Variants in ZNF536 observed in about 807,000 individuals in gnomAD.
ZNF536 encodes the protein zinc finger protein 536.
Under a neutral mutation model 84.5 loss-of-function variants are expected in ZNF536, and 13 were observed. The ratio of observed to expected loss-of-function variants is 0.15; its 90% CI spans 0.10 to 0.24. The LOEUF is 0.24. Ranked by LOEUF, ZNF536 falls within the 10% of genes least tolerant of loss-of-function variation. The pLI, the probability that ZNF536 is intolerant of heterozygous loss-of-function variation, is 1.00. For missense variants in ZNF536, 1,536 were observed against 1,747.5 expected, an observed-to-expected ratio of 0.88 and a Z score of 2.16; for synonymous variants, 811 against 742.5, an observed-to-expected ratio of 1.09 and a Z score of -1.50.
chr19:30,388,750 G>A (rs548926329), intron 1 of ZNF536, among the ~76,000 whole-genome samples: 112 of 152,224 alleles, frequency 7.4e-4, no homozygotes, highest in Admixed American at 1.6e-3. Context: ...TTCAGAATTA[G>A]GATGGAGTGT....
rs2050228626 is a variant in ZNF536, at chr19:30,664,210, CTCTCTCT to C, written c.170-46546_170-46540del. ...GAGGAATTCTTGCTGAGTTTTCTCT[CTCTCTCT>C]CTCTCTCTCTCTCTCTCTCTCTCTC... On this transcript the variant is annotated intron_variant, in intron 1 of 1. Coordinates refer to the ZNF536 transcript ENST00000592773. 1.5e-3 allele frequency among the ~76,000 whole-genome samples: 12 copies of C among 8,154 alleles called. No homozygotes were observed. The East Asian group carries it at 0.023, about 16-fold the overall frequency. The allele number at this position is 8,154 out of a possible 152,430, so 5.3% of individuals were successfully genotyped here. A position where few individuals can be genotyped will look rare whatever the true frequency, so the allele number is the denominator to read the frequency against.
intron 2 of ZNF536, among the ~76,000 whole-genome samples, chr19:30,315,978 T>C (rs1395266467): frequency 6.6e-6 from 1 of 152,234 alleles, no homozygotes; most frequent in Non-Finnish European, 1.5e-5. Flanking sequence ...TTTTAACTTC[T>C]GTGTAATTCT....
intron 2 of ZNF536, among the ~76,000 whole-genome samples, chr19:30,492,351 A>G (rs1404769683): frequency 6.6e-6 from 1 of 152,206 alleles, no homozygotes; most frequent in African/African-American, 2.4e-5. Flanking sequence ...TGTTAGCACT[A>G]CAATGGCATG....
intron 1 of ZNF536, among the ~76,000 whole-genome samples, chr19:30,620,462 G>A (rs2048443942): frequency 6.6e-6 from 1 of 152,174 alleles, no homozygotes. Flanking sequence ...GGAACTGCCT[G>A]GTGGTGACAT....
chr19:30,233,806 T>C (rs1221356034), intron 1 of ZNF536, among the ~76,000 whole-genome samples: 1 of 152,174 alleles, frequency 6.6e-6, no homozygotes, highest in Non-Finnish European at 1.5e-5. Flanking sequence ...CCTTTATGCC[T>C]CTGGAGTTGG....
intron 2 of ZNF536, among the ~76,000 whole-genome samples, chr19:30,350,349 G>A (rs2047894338): frequency 6.6e-6 from 1 of 152,152 alleles, no homozygotes; most frequent in Non-Finnish European, 1.5e-5. Context: ...ATGAGCATTG[G>A]CATTTATGTC....
chr19:30,514,270 AT>A lies in ZNF536; in HGVS notation c.2171-20574del, dbSNP rs34441149. 5.4e-4 allele frequency among the ~76,000 whole-genome samples: 82 copies of A among 152,050 alleles called. No homozygotes were observed. In the East Asian group the frequency reaches 0.014, roughly 26 times the overall value. ...TGGGTGGTTAGGGAGAGGTTATTCAATTTACTCCCACCCTCAAAAAAATCAA... is the reference window on the plus strand; with the variant it reads ...TGGGTGGTTAGGGAGAGGTTATTCAATTACTCCCACCCTCAAAAAAATCAA... On this transcript the variant is annotated intron_variant, in intron 2 of 4. Transcript: ENST00000355537.
chr19:30,608,544 C>T (rs991786328), intron 1 of ZNF536, among the ~76,000 whole-genome samples: 9 of 152,168 alleles, frequency 5.9e-5, no homozygotes, highest in African/African-American at 1.7e-4. Context: ...GCTCTTTACC[C>T]AGCTGTAGGC....
chr19:30,640,268 G>T (rs1326233525), intron 1 of ZNF536, among the ~76,000 whole-genome samples: 1 of 151,706 alleles, frequency 6.6e-6, no homozygotes, highest in Non-Finnish European at 1.5e-5. Flanking sequence ...AAAAAAAATT[G>T]GTTATATACA....
At chr19:30,422,024 C>T (rs2050981846) in intron 1 of ZNF536, among the ~76,000 whole-genome samples, 1 of 151,898 alleles carries the variant, frequency 6.6e-6, no homozygotes, top group Non-Finnish European at 1.5e-5. Context: ...AAAATATTAG[C>T]AGGGGTACAA....
chr19:30,610,116 C>T (rs1375268672), intron 1 of ZNF536, among the ~76,000 whole-genome samples: 4 of 152,246 alleles, frequency 2.6e-5, no homozygotes, highest in Non-Finnish European at 2.9e-5. Context: ...GACAAAAGCA[C>T]ATCCCCAGCC....
At chr19:30,588,749 A>G (rs946247837) in intron 1 of ZNF536, among the ~76,000 whole-genome samples, 5 of 151,948 alleles carry the variant, frequency 3.3e-5, no homozygotes, top group Non-Finnish European at 7.4e-5. Context: ...TCATGTTTTC[A>G]TTGTTTTATT....
chr19:30,554,793 C>T (rs2045910450), intron 4 of ZNF536: 1 of 152,184 alleles, frequency 6.6e-6, no homozygotes, highest in African/African-American at 2.4e-5. Context: ...CCCACAGGGT[C>T]TTATTTGGTC....
chr19:30,429,244 G>A (rs2051344934), intron 1 of ZNF536, among the ~76,000 whole-genome samples: 2 of 152,194 alleles, frequency 1.3e-5, no homozygotes, highest in South Asian at 4.1e-4. Context: ...ACACCTGCTA[G>A]TGTGAGGCTC....
chr19:30,561,824 C>T (rs538552348), downstream of ZNF536, among the ~76,000 whole-genome samples: 38 of 152,310 alleles, frequency 2.5e-4, no homozygotes, highest in African/African-American at 8.9e-4. Flanking sequence ...CAGAATGAAG[C>T]AAGAGGCCAT....
Position 30,548,964 on chromosome 19 carries a change from T to G in ZNF536, c.3345T>G (p.Phe1115Leu), listed in dbSNP as rs757432626. 1 of 1,614,140 alleles carries G rather than the reference T, an allele frequency of 6.2e-7. No individual in the cohort carries two copies. Among genetic ancestry groups the G allele is most frequent in the Non-Finnish European group, 8.5e-7 (1 of 1,180,022 alleles). ...TCCCATCAGACTTCTACAAGCAGTT[T>G]GGTGTTTACCCAGGCATGGTTGGCT... ...CNFPSDFYKQFGVYPGMVGSG... is the reference protein window; with the variant it reads ...CNFPSDFYKQLGVYPGMVGSG... The change falls in exon 4 of 5, where the codon TTT becomes TTG. Residue 1115 changes from phenylalanine (F) to leucine (L), a missense_variant. Transcript: ENST00000355537.
intron 1 of ZNF536, among the ~76,000 whole-genome samples, chr19:30,707,169 ATCTACTTGGAAC>A (rs2052276692): frequency 6.6e-6 from 1 of 152,076 alleles, no homozygotes; most frequent in Non-Finnish European, 1.5e-5. Flanking sequence ...GGCCAGGACG[ATCTACTTGGAAC>A]TCACTCATGC....
At chr19:30,527,949 T>G (rs1350724190) in intron 2 of ZNF536, among the ~76,000 whole-genome samples, 1 of 152,196 alleles carries the variant, frequency 6.6e-6, no homozygotes, top group Non-Finnish European at 1.5e-5. Flanking sequence ...CTTCACCCCT[T>G]AGACTCCACA....
At position 30,450,075 on chromosome 19, in the gene ZNF536, A is replaced by ATTTT. The variant is rs34039352; in HGVS notation, c.2170+4357_2170+4360dup. 8.6e-3 allele frequency among the ~76,000 whole-genome samples: 1,127 copies of ATTTT among 131,808 alleles called. 29 individuals are homozygous for ATTTT. The highest frequency in any genetic ancestry group is 0.029 in the African/African-American group (1,032 of 35,314). 86.5% of individuals were successfully genotyped at this position (131,808 alleles called of 152,430 possible). On this transcript the variant is annotated intron_variant, in intron 2 of 4. Coordinates refer to ENST00000355537, the MANE Select transcript of ZNF536 (RefSeq NM_014717.3). ...TTTGAGTTTGAGGATTAAGATCTTC[A>ATTTT]TTTTTTTTTTTTTTTTTGCTTGTGC...
Sources: gnomAD v4.1 joint callset for allele counts (sites outside exome capture counted in the v4.1 genomes callset) on GRCh38, gnomAD v4.1.1 for gene constraint, MANE v1.5 for transcripts, NCBI Gene and HGNC (gene_info 2026-07-23, HGNC 2026-07-21) for gene names.